The following DAB1 variants were observed in gnomAD, a reference collection of about 807,000 sequenced individuals.
DAB1 encodes disabled homolog 1.
Under a neutral mutation model 64.6 loss-of-function variants are expected in DAB1, and 15 were observed. The observed-to-expected ratio is 0.23, with a 90% CI of 0.16 to 0.36. The LOEUF (loss-of-function observed/expected upper bound fraction) is 0.36, where lower values mean the gene tolerates loss of function less well. Ranked by LOEUF, DAB1 falls within the 10% of genes least tolerant of loss-of-function variation. The probability of loss-of-function intolerance (pLI) is 1.00; values close to 1 mark genes in which losing one functional copy is unlikely to be tolerated. For synonymous variants in DAB1, 235 were observed against 251.9 expected, an observed-to-expected ratio of 0.93 and a Z score of 0.64; for missense variants, 596 against 706.7, an observed-to-expected ratio of 0.84 and a Z score of 1.78.
chr1:58,142,975 G>A (rs1427884242), intron 5 of DAB1, among the ~76,000 whole-genome samples: 4 of 151,926 alleles, frequency 2.6e-5, no homozygotes, highest in Non-Finnish European at 5.9e-5. Flanking sequence ...GCTTCACCTG[G>A]GCACTTATTG....
intron 1 of DAB1, among the ~76,000 whole-genome samples, chr1:58,543,185 A>G (rs1446199904): frequency 1.3e-5 from 2 of 152,162 alleles, no homozygotes; most frequent in South Asian, 2.1e-4. Context: ...GCTTTCTTCA[A>G]TGAGTTTCTG....
chr1:58,191,911 C>A (rs1657409242), intron 4 of DAB1, among the ~76,000 whole-genome samples: 1 of 152,140 alleles, frequency 6.6e-6, no homozygotes, highest in Admixed American at 6.5e-5. Context: ...AAATATGTGA[C>A]CACCTGCAAT....
intron 7 of DAB1, among the ~76,000 whole-genome samples, chr1:57,488,463 G>T (rs1175645586): frequency 2.0e-5 from 3 of 149,998 alleles, no homozygotes; most frequent in African/African-American, 7.4e-5. Context: ...GATCACCTGA[G>T]GTCAGGAGTT....
At chr1:58,407,061 A>C (rs1414070157) in intron 3 of DAB1, among the ~76,000 whole-genome samples, 1 of 152,142 alleles carries the variant, frequency 6.6e-6, no homozygotes, top group East Asian at 1.9e-4. Context: ...GTCTTCAAAA[A>C]TCCATTCATG....
chr1:57,371,951 G>A (rs1417642854), intron 1 of DAB1, among the ~76,000 whole-genome samples: 1 of 152,164 alleles, frequency 6.6e-6, no homozygotes, highest in African/African-American at 2.4e-5. Flanking sequence ...GGCACAAAAT[G>A]TCAATACTAC....
chr1:58,465,561 T>G (rs559569865), intron 3 of DAB1, among the ~76,000 whole-genome samples: 2 of 152,158 alleles, frequency 1.3e-5, no homozygotes, highest in South Asian at 2.1e-4. Context: ...AGCAGCTTCG[T>G]GGAAAGATGG....
chr1:57,828,386 C>CTTAT (rs1553133258), intron 1 of DAB1, among the ~76,000 whole-genome samples: 1 of 152,188 alleles, frequency 6.6e-6, no homozygotes, highest in Non-Finnish European at 1.5e-5. Flanking sequence ...ATACAGTTTT[C>CTTAT]CTTTTGATAC....
intron 3 of DAB1, among the ~76,000 whole-genome samples, chr1:58,372,010 G>C (rs551598758): frequency 1.3e-5 from 2 of 152,368 alleles, no homozygotes; most frequent in East Asian, 3.9e-4. Context: ...TGTGGGGTTG[G>C]AGCCCCCACA....
chr1:57,026,161 A>G (rs1646780627), intron 9 of DAB1, 118 bp from the exon 10 acceptor site: 2 of 732,580 alleles, frequency 2.7e-6, no homozygotes, highest in African/African-American at 3.7e-5. Flanking sequence ...CTCTAGATAA[A>G]CCGTAATCCT....
At chr1:57,808,883 T>C (rs146930724) in intron 6 of DAB1, among the ~76,000 whole-genome samples, 2 of 152,154 alleles carry the variant, frequency 1.3e-5, no homozygotes, top group African/African-American at 4.8e-5. Context: ...CGGCTGCTTG[T>C]GAACTAGATT....
At chr1:57,700,439 C>T (rs778467968) in intron 6 of DAB1, among the ~76,000 whole-genome samples, 18 of 152,140 alleles carry the variant, frequency 1.2e-4, no homozygotes, top group Non-Finnish European at 1.9e-4. Context: ...ACCTTATTTC[C>T]AGCTACTCTG....
At chr1:58,536,505 C>T in intron 1 of DAB1, 1 of 865,990 alleles carries the variant, frequency 1.2e-6, no homozygotes, top group Non-Finnish European at 2.0e-6. Flanking sequence ...ACAACTCTTA[C>T]TACTTACTGC....
At chr1:58,048,161 G>C (rs1340888292) in intron 5 of DAB1, 1 of 1,292,254 alleles carries the variant, frequency 7.7e-7, no homozygotes, top group Non-Finnish European at 1.1e-6. Flanking sequence ...CTCCTGCTAA[G>C]CTTTGTTTCC....
At position 58,370,954 on chromosome 1, in the gene DAB1, C is replaced by T. The variant is rs146220582; in HGVS notation, n.258-27551G>A. On this transcript the variant is annotated intron_variant and non_coding_transcript_variant, in intron 3 of 20. Coordinates refer to the DAB1 transcript ENST00000485760. The stretch of plus-strand genomic sequence containing the variant: ...CCCAATCTCAGGTATTTCTTTATAG[C>T]AGTGTGAAAACAGATTAATACAGAG... Among the ~76,000 whole-genome samples, 778 of 152,270 alleles carry T rather than the reference C, an allele frequency of 5.1e-3. 2 individuals are homozygous for T. The highest frequency in any genetic ancestry group is 0.018 in the African/African-American group (747 of 41,548).
rs1451938101 is a variant in DAB1 at position 57,157,864 on chromosome 1, ATTTAAACTTCACAACAACC to A, written c.68-12454_68-12436del. Among the ~76,000 whole-genome samples the A allele has an allele frequency of 5.3e-5, 8 of 152,292 alleles. No individual in the cohort carries two copies. The South Asian group carries it at 1.5e-3, about 28-fold the overall frequency. On this transcript the variant is annotated intron_variant, in intron 2 of 14. Transcript: ENST00000371236. ...CTGTCCCATTCTCATAAATTGTTTTATTTAAACTTCACAACAACCTTGGAGGAAAGAACTGCAACACATT... is the reference window on the plus strand; with the variant it reads ...CTGTCCCATTCTCATAAATTGTTTTATTGGAGGAAAGAACTGCAACACATT...
chr1:57,001,191 A>T lies in DAB1; in HGVS notation c.*16-3063T>A, dbSNP rs114171117. Among the ~76,000 whole-genome samples, 1,234 of 152,302 alleles carry T rather than the reference A, an allele frequency of 8.1e-3. 17 individuals carry two copies. Among genetic ancestry groups the T allele is most frequent in the African/African-American group, 0.028 (1,159 of 41,568 alleles). ...GAATCATTGGATTCAGAAATTTCCAACCTGGCCTCTGTCAAGGTCATAACG... is the reference window on the plus strand; with the variant it reads ...GAATCATTGGATTCAGAAATTTCCATCCTGGCCTCTGTCAAGGTCATAACG... On this transcript the variant is annotated intron_variant, in intron 14 of 14. Coordinates refer to ENST00000371236, the MANE Select transcript of DAB1 (RefSeq NM_001365792.1).
At chr1:58,088,588 T>C (rs1461534095) in intron 5 of DAB1, among the ~76,000 whole-genome samples, 13 of 152,144 alleles carry the variant, frequency 8.5e-5, no homozygotes, top group Admixed American at 7.2e-4. Flanking sequence ...AAAATAAGTA[T>C]GATTCTAGAA....
At chr1:57,438,153 C>T (rs1685766331) in intron 7 of DAB1, among the ~76,000 whole-genome samples, 1 of 152,086 alleles carries the variant, frequency 6.6e-6, no homozygotes, top group African/African-American at 2.4e-5. Context: ...GGCACAAGCC[C>T]TTTAGTTCAG....
chr1:58,133,389 T>G (rs1238801222), intron 5 of DAB1, among the ~76,000 whole-genome samples: 2 of 152,210 alleles, frequency 1.3e-5, no homozygotes, highest in Non-Finnish European at 2.9e-5. Flanking sequence ...TCATCTGATC[T>G]GTCTGGTTTG....
Sources: gnomAD v4.1 joint callset for allele counts (sites outside exome capture counted in the v4.1 genomes callset) on GRCh38, gnomAD v4.1.1 for gene constraint, MANE v1.5 for transcripts, NCBI Gene and HGNC (gene_info 2026-07-23, HGNC 2026-07-21) for gene names.